The following IQCJ variants were observed in gnomAD, a reference collection of about 807,000 sequenced individuals.
The protein encoded by IQCJ is IQ domain-containing protein J.
Under a neutral mutation model 11.0 loss-of-function variants are expected in IQCJ, and 9 were observed. The ratio of observed to expected loss-of-function variants is 0.82; its 90% CI spans 0.49 to 1.43. IQCJ has a LOEUF of 1.43. IQCJ is among the 40% of genes most tolerant of loss of function. The pLI, the probability that IQCJ is intolerant of heterozygous loss-of-function variation, is 0.00. For missense variants in IQCJ, 146 were observed against 133.2 expected, an observed-to-expected ratio of 1.10 and a Z score of -0.47; for synonymous variants, 55 against 51.3, an observed-to-expected ratio of 1.07 and a Z score of -0.31.
At chr3:159,111,555 G>A (rs1011557027) in intron 1 of IQCJ, among the ~76,000 whole-genome samples, 16 of 152,128 alleles carry the variant, frequency 1.1e-4, no homozygotes, top group African/African-American at 3.4e-4. Flanking sequence ...GGACCATCCT[G>A]TAACTGAATA....
chr3:159,228,716 T>C (rs1468264838), intron 1 of IQCJ, among the ~76,000 whole-genome samples: 2 of 149,986 alleles, frequency 1.3e-5, no homozygotes, highest in African/African-American at 4.9e-5. Flanking sequence ...GCCAGGAGAG[T>C]GGCGTGAACC....
intron 1 of IQCJ, among the ~76,000 whole-genome samples, chr3:159,191,688 A>C (rs866492653): frequency 6.6e-6 from 1 of 152,226 alleles, no homozygotes; most frequent in Non-Finnish European, 1.5e-5. Flanking sequence ...GGAGCTACAA[A>C]GTACTTTACA....
intron 3 of IQCJ, among the ~76,000 whole-genome samples, chr3:159,257,872 G>A (rs1049072279): frequency 3.3e-5 from 5 of 152,128 alleles, no homozygotes; most frequent in African/African-American, 1.2e-4. Flanking sequence ...ACCGTAAGGA[G>A]GGAACAAACG....
intron 1 of IQCJ, among the ~76,000 whole-genome samples, chr3:159,103,289 T>A (rs1371190939): frequency 6.6e-6 from 1 of 152,248 alleles, no homozygotes; most frequent in Non-Finnish European, 1.5e-5. Flanking sequence ...TCCTGTCTTT[T>A]ACATTTTAAA....
Position 159,262,852 on chromosome 3 carries a change from A to G in IQCJ, c.*121A>G, listed in dbSNP as rs1380755619. 11 of 1,432,258 alleles carry G rather than the reference A, an allele frequency of 7.7e-6. No individual in the cohort carries two copies. Among genetic ancestry groups the G allele is most frequent in the African/African-American group, 1.4e-5 (1 of 70,546 alleles). 88.7% of individuals were successfully genotyped at this position (1,432,258 alleles called of 1,614,324 possible). A position where few individuals can be genotyped will look rare whatever the true frequency, so the allele number is the denominator to read the frequency against. On this transcript the variant is annotated 3_prime_UTR_variant, in exon 4 of 4. Coordinates refer to ENST00000397832, the MANE Select transcript of IQCJ (RefSeq NM_001042706.3). Reference sequence around the variant, plus strand: ...CCATGGTGAGAGTTTTGTCACCTCAAAATAAAGACACAATTCATAAGCACA... The same window carrying G: ...CCATGGTGAGAGTTTTGTCACCTCAGAATAAAGACACAATTCATAAGCACA...
At chr3:159,263,826 C>T, downstream of IQCJ, 1 of 984,276 alleles carries the variant, frequency 1.0e-6, no homozygotes. Flanking sequence ...GCAGAAGATC[C>T]ATTTTTAATT....
intron 1 of IQCJ, among the ~76,000 whole-genome samples, chr3:159,117,384 A>G (rs185983476): frequency 3.3e-4 from 51 of 152,324 alleles, no homozygotes; most frequent in African/African-American, 1.2e-3. Context: ...AGAACCTTTT[A>G]GATCTCTTCC....
chr3:159,111,963 C>A (rs532170734), intron 1 of IQCJ, among the ~76,000 whole-genome samples: 15 of 151,704 alleles, frequency 9.9e-5, no homozygotes, highest in Middle Eastern at 3.2e-3. Flanking sequence ...TTTTTCCCCG[C>A]AATTGTCTGA....
At chr3:159,243,984 A>G (rs1047124959) in intron 1 of IQCJ, among the ~76,000 whole-genome samples, 1 of 152,220 alleles carries the variant, frequency 6.6e-6, no homozygotes, top group Non-Finnish European at 1.5e-5. Context: ...AAATGAGTAA[A>G]GTCTGGTTCT....
At chr3:159,076,841 C>T (rs932278697) in intron 1 of IQCJ, among the ~76,000 whole-genome samples, 8 of 152,074 alleles carry the variant, frequency 5.3e-5, no homozygotes, top group South Asian at 4.1e-4. Context: ...ATTTATCAGC[C>T]GAGTGACCTT....
At chr3:159,260,010 A>G (rs1728111487) in intron 3 of IQCJ, among the ~76,000 whole-genome samples, 4 of 152,352 alleles carry the variant, frequency 2.6e-5, no homozygotes, top group Admixed American at 6.5e-5. Flanking sequence ...CAGATGTTTT[A>G]AATACATATT....
At chr3:159,162,311 C>T (rs895585907) in intron 1 of IQCJ, among the ~76,000 whole-genome samples, 1 of 152,104 alleles carries the variant, frequency 6.6e-6, no homozygotes, top group Non-Finnish European at 1.5e-5. Context: ...TGGGAGTTCA[C>T]CCATGATTTG....
chr3:159,254,081 A>C (rs1727758375), intron 3 of IQCJ, among the ~76,000 whole-genome samples: 1 of 152,322 alleles, frequency 6.6e-6, no homozygotes, highest in South Asian at 2.1e-4. Context: ...TTGTGTAAGC[A>C]GTGTGTCAGC....
chr3:159,069,376 G>C lies in IQCJ; in HGVS notation c.-57G>C. The C allele has an allele frequency of 4.4e-6, 7 of 1,587,942 alleles. No individual in the cohort carries two copies. Among genetic ancestry groups the C allele is most frequent in the Non-Finnish European group, 6.0e-6 (7 of 1,170,062 alleles). Reference sequence around the variant, plus strand: ...GCGCTCTGTGATTCTGAGGAATACAGTGTGCCAGCATCCGATCCAGTCTCC... The same window carrying C: ...GCGCTCTGTGATTCTGAGGAATACACTGTGCCAGCATCCGATCCAGTCTCC... On this transcript the variant is annotated 5_prime_UTR_variant, in exon 1 of 4. Transcript: ENST00000397832.
intron 1 of IQCJ, among the ~76,000 whole-genome samples, chr3:159,070,886 T>C (rs1479496458): frequency 1.3e-5 from 2 of 152,044 alleles, no homozygotes; most frequent in Non-Finnish European, 2.9e-5. Context: ...ATATTTAAGA[T>C]GATGTAGTAA....
At chr3:159,131,833 A>T (rs1225274413) in intron 1 of IQCJ, among the ~76,000 whole-genome samples, 1 of 152,224 alleles carries the variant, frequency 6.6e-6, no homozygotes, top group East Asian at 1.9e-4. Context: ...ACACAATAAT[A>T]AACAGTGATT....
At chr3:159,162,794 C>T (rs1324555938) in intron 1 of IQCJ, among the ~76,000 whole-genome samples, 1 of 152,164 alleles carries the variant, frequency 6.6e-6, no homozygotes, top group South Asian at 2.1e-4. Flanking sequence ...ACTACAAACA[C>T]CTCTATGCAA....
chr3:159,119,480 T>A (rs1719223343), intron 1 of IQCJ, among the ~76,000 whole-genome samples: 1 of 152,352 alleles, frequency 6.6e-6, no homozygotes, highest in South Asian at 2.1e-4. Context: ...CCATGCCTTT[T>A]TTAAGATGAA....
chr3:159,240,388 G>T (rs73877570), intron 1 of IQCJ, among the ~76,000 whole-genome samples: 1,597 of 152,182 alleles, frequency 0.01, 30 homozygotes, highest in African/African-American at 0.037. Context: ...TGTTCTAACT[G>T]CCTAAAAAGA....
Sources: allele counts gnomAD v4.1 joint callset (sites outside exome capture counted in the v4.1 genomes callset), GRCh38; gene constraint gnomAD v4.1.1; transcripts MANE v1.5; gene names NCBI Gene and HGNC (gene_info 2026-07-23, HGNC 2026-07-21).